Variants in CTU1 observed in about 807,000 individuals in gnomAD.
The protein encoded by CTU1 is cytoplasmic tRNA 2-thiolation protein 1.
Under a neutral mutation model 12.9 loss-of-function variants are expected in CTU1, and 15 were observed. That is an observed-to-expected ratio of 1.16 (90% confidence interval 0.78 to 1.79). CTU1 has a LOEUF of 1.79. CTU1 is among the 40% of genes most tolerant of loss of function. CTU1 has a pLI of 0.00. For missense variants in CTU1, 553 were observed against 550.5 expected, an observed-to-expected ratio of 1.00 and a Z score of -0.05; for synonymous variants, 295 against 275.6, an observed-to-expected ratio of 1.07 and a Z score of -0.70.
intron 2 of CTU1, among the ~76,000 whole-genome samples, chr19:51,099,554 G>C (rs1319456493): frequency 2.0e-5 from 3 of 152,188 alleles, no homozygotes; most frequent in Non-Finnish European, 1.5e-5. Context: ...GGCGCAACTT[G>C]GGCGTGCCTT....
chr19:51,101,466 G>A (rs2091907011), intron 2 of CTU1, among the ~76,000 whole-genome samples: 1 of 152,118 alleles, frequency 6.6e-6, no homozygotes, highest in Non-Finnish European at 1.5e-5. Context: ...GGTTGGGGGT[G>A]GGGCACTACT....
At position 51,098,615 on chromosome 19, in the gene CTU1, C is replaced by T. The variant is rs1330570008; in HGVS notation, c.1033G>A (p.Val345Ile). The T allele has an allele frequency of 2.3e-6, 3 of 1,303,564 alleles. No homozygotes were observed. The highest frequency in any genetic ancestry group is 2.9e-6 in the Non-Finnish European group (3 of 1,024,590). 80.7% of individuals were successfully genotyped at this position (1,303,564 alleles called of 1,614,324 possible). Reference protein sequence around the residue: ...DPARPPASKAVPTF With the variant: ...DPARPPASKAIPTF ...GCCCGAAGTCGCTAGAAGGTGGGGA[C>T]GGCCTTGGAGGCGGGGGGCCGGGCC... The change falls in exon 3 of 3, where the codon GTC becomes ATC. Residue 345 changes from valine to isoleucine, a missense_variant. By Grantham distance (29) the Val-to-Ile change is conservative (BLOSUM62 3). Transcript: ENST00000421832. This position sits in a 1 kb window ranked among gnomAD's most constrained non-coding sequence, Gnocchi z 4.3.
Position 51,104,378 on chromosome 19 carries a change from G to A in CTU1, c.192C>T (p.Ser64=), listed in dbSNP as rs1219949427. The part of the protein sequence containing the change: ...VAVGASGGKD[S]TVLAHVLRAL... Reference sequence around the variant, plus strand: ...CGCGCAGCACGTGCGCCAGCACCGTGGAGTCCTTGCCGCCCGAGGCGCCCA... The same window carrying A: ...CGCGCAGCACGTGCGCCAGCACCGTAGAGTCCTTGCCGCCCGAGGCGCCCA... Residue 64 remains serine (S), a synonymous_variant, in exon 2 of 3, where the codon TCC becomes TCT. Transcript: ENST00000421832. 36 of 1,352,024 alleles carry A rather than the reference G, an allele frequency of 2.7e-5. No individual in the cohort carries two copies. Among genetic ancestry groups the A allele is most frequent in the Non-Finnish European group, 3.2e-5 (34 of 1,055,244 alleles). 83.8% of individuals were successfully genotyped at this position (1,352,024 alleles called of 1,614,324 possible).
chr19:51,107,827 A>G (rs1405332984), intron 1 of CTU1, among the ~76,000 whole-genome samples: 2 of 152,100 alleles, frequency 1.3e-5, no homozygotes, highest in South Asian at 2.1e-4. Context: ...GACCCTCGTC[A>G]CTGAGTCGAG....
At chr19:51,106,445 C>T (rs988783331) in intron 1 of CTU1, among the ~76,000 whole-genome samples, 1 of 152,180 alleles carries the variant, frequency 6.6e-6, no homozygotes, top group African/African-American at 2.4e-5. Context: ...GGGGACGCCT[C>T]TTCATGTCCT....
At position 51,099,010 on chromosome 19, in the gene CTU1, A is replaced by C. The variant is rs2091900125; in HGVS notation, c.638T>G (p.Leu213Arg). The change falls in exon 3 of 3, where the codon CTG becomes CGG. Residue 213 changes from leucine (L) to arginine (R), a missense_variant. Leu to Arg is a moderately radical substitution (Grantham distance 102). Coordinates refer to ENST00000421832, the MANE Select transcript of CTU1 (RefSeq NM_145232.4). ...CACCTCCTTCTGCGAGGCGAACTGCAGCGGGCGGCAGCGCGGCAGGGCGCC... is the reference window on the plus strand; with the variant it reads ...CACCTCCTTCTGCGAGGCGAACTGCCGCGGGCGGCAGCGCGGCAGGGCGCC... ...EGGALPRCRP[L>R]QFASQKEVVL... is the part of the protein sequence containing the mutation. 1 of 1,518,980 alleles carries C rather than the reference A, an allele frequency of 6.6e-7. No homozygotes were observed. Among genetic ancestry groups the C allele is most frequent in the Non-Finnish European group, 8.8e-7 (1 of 1,138,056 alleles). The allele number at this position is 1,518,980 out of a possible 1,614,324, so 94.1% of individuals were successfully genotyped here.
In CTU1 at chr19:51,100,401, C is replaced by T. The variant is rs372283814; in HGVS notation, c.509-1262G>A. Reference sequence around the variant, plus strand: ...AAGGTGGGAGAATCACCTGAGGCCACGAGTTTGAGACCAGCCTGGCCAACA... The same window carrying T: ...AAGGTGGGAGAATCACCTGAGGCCATGAGTTTGAGACCAGCCTGGCCAACA... On this transcript the variant is annotated intron_variant, in intron 2 of 2. Transcript: ENST00000421832. 3.0e-4 allele frequency among the ~76,000 whole-genome samples: 46 copies of T among 152,068 alleles called. No homozygotes were observed. The East Asian group carries it at 7.6e-3, about 25-fold the overall frequency.
At chr19:51,102,794 T>C (rs1221286431) in intron 2 of CTU1, among the ~76,000 whole-genome samples, 1 of 151,926 alleles carries the variant, frequency 6.6e-6, no homozygotes, top group Non-Finnish European at 1.5e-5. Flanking sequence ...GCAGCCCAAA[T>C]TGGCTTTTCA....
At position 51,108,120 on chromosome 19, in the gene CTU1, C is replaced by A. The variant is rs560238629; in HGVS notation, c.-22+227G>T. 6.6e-6 allele frequency among the ~76,000 whole-genome samples: 1 copy of A among 151,288 alleles called. No homozygotes were observed. The highest frequency in any genetic ancestry group is 1.5e-5 in the Non-Finnish European group (1 of 67,704). On this transcript the variant is annotated intron_variant, in intron 1 of 2. Transcript: ENST00000421832. The surrounding 1 kb of genome is among the most constrained non-coding windows in gnomAD (Gnocchi z 4.5). The stretch of plus-strand genomic sequence containing the variant: ...GGACAGGCAGATAGTAACATAGGGG[C>A]GGGGGCAAGCAGATGGTCTTATCCT...
intron 1 of CTU1, among the ~76,000 whole-genome samples, chr19:51,106,441 G>A (rs754974273): frequency 6.6e-5 from 10 of 152,042 alleles, no homozygotes; most frequent in East Asian, 1.9e-4. Context: ...TTTTGGGGAC[G>A]CCTCTTCATG....
Position 51,104,806 on chromosome 19 carries a change from C to T in CTU1, c.-21-216G>A, listed in dbSNP as rs959814184. On this transcript the variant is annotated intron_variant, in intron 1 of 2. Coordinates refer to ENST00000421832, the MANE Select transcript of CTU1 (RefSeq NM_145232.4). ...CTTAGGGAAGGCTTCTTGGATTGCA[C>T]CCATTATGCAAGAAGAAGAGAAGTA... Among the ~76,000 whole-genome samples the T allele has an allele frequency of 1.8e-4, 28 of 152,256 alleles. 5 individuals are homozygous for T. Among genetic ancestry groups the T allele is most frequent in the Admixed American group, 1.2e-3 (19 of 15,294 alleles).
chr19:51,105,774 C>T (rs1304398783), intron 1 of CTU1, among the ~76,000 whole-genome samples: 1 of 152,204 alleles, frequency 6.6e-6, no homozygotes, highest in Non-Finnish European at 1.5e-5. Context: ...AGGCCAGGAG[C>T]TTTGGGGTCC....
chr19:51,102,030 A>C (rs957734051), intron 2 of CTU1, among the ~76,000 whole-genome samples: 3 of 151,984 alleles, frequency 2.0e-5, no homozygotes, highest in African/African-American at 7.2e-5. Context: ...CCCAGCTGGA[A>C]TCTTGCTCTG....
chr19:51,103,145 A>G, intron 2 of CTU1, among the ~76,000 whole-genome samples: 1 of 152,148 alleles, frequency 6.6e-6, no homozygotes, highest in Non-Finnish European at 1.5e-5. Flanking sequence ...CTACTGACTC[A>G]TCTAATTGTC....
chr19:51,105,621 T>C (rs1199109275), intron 1 of CTU1, among the ~76,000 whole-genome samples: 1 of 152,228 alleles, frequency 6.6e-6, no homozygotes, highest in Non-Finnish European at 1.5e-5. Context: ...TGTGACTATA[T>C]ATTTACCATC....
In CTU1 at chr19:51,098,590, G is replaced by A; in HGVS notation, c.*11C>T. The A allele has an allele frequency of 7.8e-7, 1 of 1,274,626 alleles. No homozygotes were observed. Among genetic ancestry groups the A allele is most frequent in the Non-Finnish European group, 9.9e-7 (1 of 1,007,698 alleles). 79.0% of individuals were successfully genotyped at this position (1,274,626 alleles called of 1,614,324 possible). A position where few individuals can be genotyped will look rare whatever the true frequency, so the allele number is the denominator to read the frequency against. On this transcript the variant is annotated 3_prime_UTR_variant, in exon 3 of 3. Coordinates refer to ENST00000421832, the MANE Select transcript of CTU1 (RefSeq NM_145232.4). This position sits in a 1 kb window ranked among gnomAD's most constrained non-coding sequence, Gnocchi z 4.3. ...CCGCGGCATCAGATCCCGGCGGGAG[G>A]CCCGAAGTCGCTAGAAGGTGGGGAC...
chr19:51,104,684 G>A (rs566833273), intron 1 of CTU1, 94 bp from the exon 2 acceptor site: 135 of 1,002,342 alleles, frequency 1.3e-4, no homozygotes, highest in Non-Finnish European at 1.6e-4. Flanking sequence ...ACCTCTGCCC[G>A]GAATAGACCA....
Position 51,099,091 on chromosome 19 carries a change from C to G in CTU1, c.557G>C (p.Arg186Pro), listed in dbSNP as rs755239074. 2 of 1,553,358 alleles carry G rather than the reference C, an allele frequency of 1.3e-6. No individual in the cohort carries two copies. The highest frequency in any genetic ancestry group is 2.7e-5 in the African/African-American group (2 of 72,852). The change falls in exon 3 of 3, where the codon CGG (arginine) becomes CCG (proline). Residue 186 changes from arginine to proline, a missense_variant. Arg to Pro is a moderately radical substitution (Grantham distance 103). This residue lies in a region of CTU1 where 500 missense variants were observed against 458.5 expected (regional missense o/e 1.09). Transcript: ENST00000421832. ...CCGGGCCAGCCGCCCCGCGTCGCCC[C>G]GTAGGAAGTTCATGAGCACGGTCTC... ...MAETVLMNFL[R>P]GDAGRLARGG...
intron 1 of CTU1, among the ~76,000 whole-genome samples, chr19:51,107,477 G>A (rs941620544): frequency 6.6e-6 from 1 of 152,104 alleles, no homozygotes; most frequent in African/African-American, 2.4e-5. Context: ...TAAAAAAAGT[G>A]GGATTCGTTT....
Sources: allele counts gnomAD v4.1 joint callset (sites outside exome capture counted in the v4.1 genomes callset), GRCh38; gene constraint gnomAD v4.1.1; regional missense constraint gnomAD v4.1.1; non-coding constraint Gnocchi (gnomAD v3.1); transcripts MANE v1.5; gene names NCBI Gene and HGNC (gene_info 2026-07-23, HGNC 2026-07-21).